Variants in GAL observed in about 807,000 individuals in gnomAD.
GAL encodes galanin and GMAP prepropeptide.
GAL carries 14 observed loss-of-function variants against 15.8 expected under a neutral mutation model. The ratio of observed to expected loss-of-function variants is 0.89; its 90% CI spans 0.59 to 1.39. The LOEUF is 1.39. Ranked by LOEUF, GAL falls within the 40% of genes most tolerant of loss-of-function variation. GAL has a pLI of 0.00. For missense variants in GAL, 176 were observed against 170.4 expected (o/e 1.03, Z -0.18); for synonymous variants, 79 against 73.8 (o/e 1.07, Z -0.36).
intron 2 of GAL, 63 bp downstream of exon 2, chr11:68,685,067 C>A: frequency 8.9e-7 from 1 of 1,120,220 alleles, no homozygotes; most frequent in Admixed American, 2.0e-5. Context: ...GCGTGGAGGG[C>A]TTCCTGGAGG....
At chr11:68,687,468 C>G (rs1945864309) in intron 3 of GAL, among the ~76,000 whole-genome samples, 1 of 152,144 alleles carries the variant, frequency 6.6e-6, no homozygotes, top group South Asian at 2.1e-4. Context: ...CCACCCCCAT[C>G]CTGTCTCCCT....
intron 3 of GAL, among the ~76,000 whole-genome samples, chr11:68,686,598 C>T (rs1016810244): frequency 6.6e-5 from 10 of 152,214 alleles, no homozygotes; most frequent in African/African-American, 2.4e-4. Context: ...AGAGGACCCC[C>T]AGAGTCAGGC....
In GAL at chr11:68,684,582, C is replaced by T. The variant is rs1594273277; in HGVS notation, c.-151C>T. On this transcript the variant is annotated 5_prime_UTR_variant, in exon 1 of 6. Coordinates refer to ENST00000265643, the MANE Select transcript of GAL (RefSeq NM_015973.5). ...GACACGTGGAGGGACCCGGCCCGCGCCTTCTGCCCCTGCTGCCGGCCGCGC... is the reference window on the plus strand; with the variant it reads ...GACACGTGGAGGGACCCGGCCCGCGTCTTCTGCCCCTGCTGCCGGCCGCGC... The T allele has an allele frequency of 1.4e-5, 3 of 207,730 alleles. No homozygotes were observed. Among genetic ancestry groups the T allele is most frequent in the African/African-American group, 7.0e-5 (3 of 43,100 alleles). The allele number at this position is 207,730 out of a possible 1,614,324, so 12.9% of individuals were successfully genotyped here. A position where few individuals can be genotyped will look rare whatever the true frequency, so the allele number is the denominator to read the frequency against.
chr11:68,688,111 T>A lies in GAL; in HGVS notation c.223+11T>A. 2 of 1,575,204 alleles carry A rather than the reference T, an allele frequency of 1.3e-6. No homozygotes were observed. The highest frequency in any genetic ancestry group is 1.7e-6 in the Non-Finnish European group (2 of 1,144,888). On this transcript the variant is annotated intron_variant, in intron 4 of 5. Transcript: ENST00000265643. ...ATGACATGAAACCAGGTGAGAGGACTCCTATCCCGGGCCCCGGGGCACCTC... is the reference window on the plus strand; with the variant it reads ...ATGACATGAAACCAGGTGAGAGGACACCTATCCCGGGCCCCGGGGCACCTC...
chr11:68,690,843 C>T, intron 5 of GAL, 74 bp from the exon 6 acceptor site: 3 of 946,856 alleles, frequency 3.2e-6, no homozygotes, highest in Non-Finnish European at 5.2e-6. Flanking sequence ...CTTCCTGTAG[C>T]ATGTGTCGTG....
At chr11:68,689,228 G>A (rs576239497) in intron 5 of GAL, among the ~76,000 whole-genome samples, 2 of 152,168 alleles carry the variant, frequency 1.3e-5, no homozygotes, top group South Asian at 2.1e-4. Context: ...CTATTCACAC[G>A]GTGACAACTG....
intron 5 of GAL, among the ~76,000 whole-genome samples, chr11:68,690,005 A>T (rs1332821395): frequency 6.6e-6 from 1 of 152,074 alleles, no homozygotes; most frequent in African/African-American, 2.4e-5. Context: ...GGTGGGGAGG[A>T]GGGATGGACC....
chr11:68,685,631 G>A lies in GAL; in HGVS notation c.119G>A (p.Gly40Asp). Residue 40 changes from glycine to aspartate, a missense_variant, in exon 3 of 6, where the codon GGC (glycine) becomes GAC (aspartate). Transcript: ENST00000265643. ...CGAGGCTGGACCCTGAACAGCGCGG[G>A]CTACCTGCTGGGCCCACGTAAGTGA... ...EKRGWTLNSAGYLLGPHAVGN... is the reference protein window; with the variant it reads ...EKRGWTLNSADYLLGPHAVGN... 6.2e-7 allele frequency: 1 copy of A among 1,613,128 alleles called. No homozygotes were observed. Among genetic ancestry groups the A allele is most frequent in the Non-Finnish European group, 8.5e-7 (1 of 1,179,116 alleles).
At position 68,685,576 on chromosome 11, in the gene GAL, C is replaced by T. The variant is rs1164509057; in HGVS notation, c.82-18C>T. The T allele has an allele frequency of 6.3e-7, 1 of 1,599,938 alleles. No individual in the cohort carries two copies. Among genetic ancestry groups the T allele is most frequent in the Non-Finnish European group, 8.6e-7 (1 of 1,167,234 alleles). ...CCAGGCACAGCCCTGGCATCTGATC[C>T]CCTTTTCTCCCTTCAAGGCCAAGGA... On this transcript the variant is annotated intron_variant, in intron 2 of 5. Coordinates refer to ENST00000265643, the MANE Select transcript of GAL (RefSeq NM_015973.5).
chr11:68,689,076 C>T, intron 5 of GAL, 150 bp downstream of exon 5: 1 of 620,068 alleles, frequency 1.6e-6, no homozygotes, highest in Non-Finnish European at 2.9e-6. Context: ...GTCGGGATAA[C>T]AGAGAATGTA....
In GAL at chr11:68,688,108, G is replaced by C. The variant is rs768104636; in HGVS notation, c.223+8G>C. The stretch of plus-strand genomic sequence containing the variant: ...AAGATGACATGAAACCAGGTGAGAG[G>C]ACTCCTATCCCGGGCCCCGGGGCAC... On this transcript the variant is annotated splice_region_variant and intron_variant, in intron 4 of 5. Coordinates refer to ENST00000265643, the MANE Select transcript of GAL (RefSeq NM_015973.5). 2 of 1,584,168 alleles carry C rather than the reference G, an allele frequency of 1.3e-6. No individual in the cohort carries two copies. The highest frequency in any genetic ancestry group is 1.1e-5 in the South Asian group (1 of 90,500).
intron 3 of GAL, among the ~76,000 whole-genome samples, chr11:68,685,983 G>A (rs1945849074): frequency 6.6e-6 from 1 of 152,112 alleles, no homozygotes; most frequent in African/African-American, 2.4e-5. Context: ...TCCTCGGCTT[G>A]CAGAGCACCC....
At chr11:68,684,847 C>T (rs1945833998) in intron 1 of GAL, 77 bp from the exon 2 acceptor site, 4 of 873,404 alleles carry the variant, frequency 4.6e-6, no homozygotes, top group South Asian at 2.9e-5. Flanking sequence ...TGCTCCTCCC[C>T]GCAGCCCCGG....
intron 2 of GAL, 151 bp from the exon 3 acceptor site, chr11:68,685,443 C>A: frequency 3.1e-6 from 2 of 652,560 alleles, no homozygotes; most frequent in South Asian, 1.7e-5. Flanking sequence ...CAAATATAGC[C>A]GACTTAGGGG....
chr11:68,684,947 G>T lies in GAL; in HGVS notation c.24G>T (p.Leu8=), dbSNP rs17852742. 1 of 1,609,074 alleles carries T rather than the reference G, an allele frequency of 6.2e-7. No homozygotes were observed. The highest frequency in any genetic ancestry group is 2.2e-5 in the East Asian group (1 of 44,812). MARGSAL[L]LASLLLAAAL... is the part of the protein sequence containing the mutation. Reference sequence around the variant, plus strand: ...AGATGGCCCGAGGCAGCGCCCTCCTGCTCGCCTCCCTCCTCCTCGCCGCGG... The same window carrying T: ...AGATGGCCCGAGGCAGCGCCCTCCTTCTCGCCTCCCTCCTCCTCGCCGCGG... Residue 8 remains leucine, a synonymous_variant, in exon 2 of 6, where the codon CTG becomes CTT. Coordinates refer to ENST00000265643, the MANE Select transcript of GAL (RefSeq NM_015973.5).
chr11:68,689,991 T>C (rs1214189508), intron 5 of GAL, among the ~76,000 whole-genome samples: 2 of 151,474 alleles, frequency 1.3e-5, no homozygotes, highest in East Asian at 3.9e-4. Flanking sequence ...AACAGGGAGG[T>C]GGTGGTGGGG....
chr11:68,688,891 C>A lies in GAL; in HGVS notation c.266C>A (p.Thr89Lys). 6.4e-7 allele frequency: 1 copy of A among 1,569,208 alleles called. No homozygotes were observed. Among genetic ancestry groups the A allele is most frequent in the Non-Finnish European group, 8.8e-7 (1 of 1,139,112 alleles). ...RSIPENNIMRTIIEFLSFLHL... is the reference protein window; with the variant it reads ...RSIPENNIMRKIIEFLSFLHL... ...ATACCTGAAAACAATATCATGCGCA[C>A]AATCATTGAGTTTCTGTCTTTCTTG... The change falls in exon 5 of 6, where the codon ACA becomes AAA. Residue 89 changes from threonine to lysine, a missense_variant. Coordinates refer to ENST00000265643, the MANE Select transcript of GAL (RefSeq NM_015973.5).
chr11:68,685,772 C>A (rs998287274), intron 3 of GAL, 124 bp downstream of exon 3: 18 of 717,200 alleles, frequency 2.5e-5, no homozygotes, highest in Non-Finnish European at 4.1e-5. Context: ...ACCTCATTGC[C>A]CGTCTCCATT....
At position 68,690,950 on chromosome 11, in the gene GAL, C is replaced by T; in HGVS notation, c.335C>T (p.Pro112Leu). 1 of 1,613,400 alleles carries T rather than the reference C, an allele frequency of 6.2e-7. No homozygotes were observed. The highest frequency in any genetic ancestry group is 1.1e-5 in the South Asian group (1 of 91,072). The change falls in exon 6 of 6, where the codon CCC becomes CTC. Residue 112 changes from proline to leucine, a missense_variant. Pro to Leu is a moderately conservative substitution (Grantham distance 98, BLOSUM62 -3). Coordinates refer to ENST00000265643, the MANE Select transcript of GAL (RefSeq NM_015973.5). ...GCCCTCGACCGCCTCCTGGATCTCC[C>T]CGCCGCAGCCTCCTCAGAAGACATC... Reference protein sequence around the residue: ...AGALDRLLDLPAAASSEDIER... With the variant: ...AGALDRLLDLLAAASSEDIER...
Sources: allele counts gnomAD v4.1 joint callset (sites outside exome capture counted in the v4.1 genomes callset), GRCh38; gene constraint gnomAD v4.1.1; transcripts MANE v1.5; gene names NCBI Gene and HGNC (gene_info 2026-07-23, HGNC 2026-07-21).